PSAP: variants seen among roughly 807,000 people sequenced by gnomAD.
PSAP encodes the protein precursor of saposins.
PSAP carries 25 observed loss-of-function variants against 66.0 expected under a neutral mutation model. The ratio of observed to expected loss-of-function variants is 0.38; its 90% CI spans 0.28 to 0.53. The LOEUF is 0.53. Ranked by LOEUF, PSAP falls within the 20% of genes least tolerant of loss-of-function variation. The probability of loss-of-function intolerance (pLI) is 0.83; values close to 1 mark genes in which losing one functional copy is unlikely to be tolerated. For missense variants in PSAP, 649 were observed against 668.8 expected, an observed-to-expected ratio of 0.97 and a Z score of 0.33; for synonymous variants, 273 against 258.9, an observed-to-expected ratio of 1.05 and a Z score of -0.52.
chr10:71,823,195 C>T (rs1690836525), intron 7 of PSAP, among the ~76,000 whole-genome samples: 1 of 152,168 alleles, frequency 6.6e-6, no homozygotes, highest in African/African-American at 2.4e-5. Context: ...TGGATGCCAA[C>T]GCTCAGAGGT....
chr10:71,828,522 G>C (rs1842439828), intron 5 of PSAP, among the ~76,000 whole-genome samples: 1 of 152,068 alleles, frequency 6.6e-6, no homozygotes. Context: ...GTGTGCATTT[G>C]TACTCCCAGC....
chr10:71,817,678 G>A (rs1842201101), intron 13 of PSAP, among the ~76,000 whole-genome samples: 1 of 152,206 alleles, frequency 6.6e-6, no homozygotes, highest in African/African-American at 2.4e-5. Context: ...GAACTTCTAA[G>A]GCACGAGTCC....
At chr10:71,820,793 T>C (rs1201634111) in intron 8 of PSAP, among the ~76,000 whole-genome samples, 1 of 152,188 alleles carries the variant, frequency 6.6e-6, no homozygotes, top group Non-Finnish European at 1.5e-5. Context: ...CATGTCTCAT[T>C]AGCACTTGAG....
intron 1 of PSAP, among the ~76,000 whole-genome samples, chr10:71,849,173 A>G (rs1367908424): frequency 6.6e-6 from 1 of 152,260 alleles, no homozygotes; most frequent in East Asian, 1.9e-4. Context: ...TTTATTATAC[A>G]GACCATGGAA....
At chr10:71,849,538 T>C (rs896530785) in intron 1 of PSAP, among the ~76,000 whole-genome samples, 1 of 151,486 alleles carries the variant, frequency 6.6e-6, no homozygotes, top group Admixed American at 6.6e-5. Flanking sequence ...AAGGCGGAGG[T>C]TGCAGTTAGC....
rs376639872 is a variant in PSAP at position 71,834,425 on chromosome 10, C to G, written c.121G>C (p.Asp41His). The G allele has an allele frequency of 6.2e-7, 1 of 1,613,938 alleles. No homozygotes were observed. Among genetic ancestry groups the G allele is most frequent in the South Asian group, 1.1e-5 (1 of 91,042 alleles). The change falls in exon 2 of 14, where the codon GAC (aspartate) becomes CAC (histidine). Residue 41 changes from aspartate (D) to histidine (H), a missense_variant. By Grantham distance (81) the Asp-to-His change is moderately conservative. Transcript: ENST00000394936. Reference protein sequence around the residue: ...VWCQNVKTASDCGAVKHCLQT... With the variant: ...VWCQNVKTASHCGAVKHCLQT... The stretch of plus-strand genomic sequence containing the variant: ...AGGCAGTGCTTCACTGCCCCGCAGT[C>G]GGACGCCGTCTTCACATTCTGGCAC...
chr10:71,838,762 AAAAG>A (rs1842674963), intron 1 of PSAP, among the ~76,000 whole-genome samples: 1 of 152,110 alleles, frequency 6.6e-6, no homozygotes, highest in African/African-American at 2.4e-5. Context: ...TCTCAGAAAA[AAAAG>A]AGAGAATGAG....
intron 1 of PSAP, among the ~76,000 whole-genome samples, chr10:71,840,541 C>T (rs546925585): frequency 1.1e-4 from 16 of 152,344 alleles, no homozygotes; most frequent in Admixed American, 8.5e-4. Flanking sequence ...AAAAACACAG[C>T]TCACTGAATC....
chr10:71,824,845 T>A (rs1052198650), intron 7 of PSAP, among the ~76,000 whole-genome samples: 15 of 152,250 alleles, frequency 9.9e-5, no homozygotes, highest in African/African-American at 3.4e-4. Flanking sequence ...GAGGAAGTAC[T>A]TCACGAGATT....
In PSAP at chr10:71,817,391, T is replaced by G. The variant is rs777843874; in HGVS notation, c.*50A>C. ...GCGTTCATTCCCCCAGACACACAAG[T>G]AGAAAAAAACCAATGCTGTGGTTTC... On this transcript the variant is annotated 3_prime_UTR_variant, in exon 14 of 14. Transcript: ENST00000394936. 2.8e-5 allele frequency: 44 copies of G among 1,595,986 alleles called. No homozygotes were observed. The highest frequency in any genetic ancestry group is 2.2e-4 in the Admixed American group (13 of 59,984).
chr10:71,825,842 GCAT>G lies in PSAP; in HGVS notation c.769_771del (p.Met257del). ...GGGGCCTCCGTGCCACCTACCATGT[GCAT>G]CATCATCTGGATAGCAATTTCAGAA... On this transcript the variant is annotated inframe_deletion, in exon 7 of 14. Transcript: ENST00000394936. 1 of 1,612,862 alleles carries G rather than the reference GCAT, an allele frequency of 6.2e-7. No individual in the cohort carries two copies. The highest frequency in any genetic ancestry group is 8.5e-7 in the Non-Finnish European group (1 of 1,178,800).
Position 71,820,350 on chromosome 10 carries a change from G to A in PSAP, c.910-15C>T. 6.2e-7 allele frequency: 1 copy of A among 1,602,654 alleles called. No individual in the cohort carries two copies. Among genetic ancestry groups the A allele is most frequent in the Non-Finnish European group, 8.5e-7 (1 of 1,169,660 alleles). ...ACCTCGTGCTTCTGTGGAAAGAGTA[G>A]AAGGAGAGTACTTTCAATGCTGGGA... On this transcript the variant is annotated splice_polypyrimidine_tract_variant and intron_variant, in intron 8 of 13. Coordinates refer to ENST00000394936, the MANE Select transcript of PSAP (RefSeq NM_002778.4).
At chr10:71,834,539 T>C (rs754329567) in intron 1 of PSAP, 34 bp from the exon 2 acceptor site, 3 of 1,611,118 alleles carry the variant, frequency 1.9e-6, no homozygotes, top group African/African-American at 2.7e-5. Flanking sequence ...AGGTGGCCCA[T>C]TTTGTAGCAA....
intron 3 of PSAP, among the ~76,000 whole-genome samples, 172 bp from the exon 4 acceptor site, chr10:71,831,423 C>G (rs1842514032): frequency 1.3e-5 from 2 of 152,142 alleles, no homozygotes; most frequent in Non-Finnish European, 2.9e-5. Flanking sequence ...GTCAATCAGG[C>G]AAAAGCAGAC....
chr10:71,826,255 C>T (rs994341666), intron 6 of PSAP, among the ~76,000 whole-genome samples: 1 of 152,202 alleles, frequency 6.6e-6, no homozygotes, highest in African/African-American at 2.4e-5. Flanking sequence ...TGCTTAGGAA[C>T]TGGAGCTTAC....
chr10:71,827,273 C>G (rs1564818742), intron 6 of PSAP, among the ~76,000 whole-genome samples: 1 of 152,012 alleles, frequency 6.6e-6, no homozygotes, highest in Non-Finnish European at 1.5e-5. Flanking sequence ...GTGGCGGGCA[C>G]TTGTAGTCCC....
chr10:71,840,263 G>A (rs924339591), intron 1 of PSAP, among the ~76,000 whole-genome samples: 1 of 152,088 alleles, frequency 6.6e-6, no homozygotes, highest in Non-Finnish European at 1.5e-5. Flanking sequence ...CAGGGCAGCA[G>A]ATCTGCTGCC....
Position 71,819,598 on chromosome 10 carries a change from C to T in PSAP, c.1217G>A (p.Gly406Asp). ...CTTCTTGCACACTTCGCAGAAGCCA[C>T]CGTCCTTTGGCTGAGTCACGTGAAC... ...LTVHVTQPKD[G>D]GFCEVCKKLV... Residue 406 changes from glycine to aspartate, a missense_variant, in exon 11 of 14, where the codon GGT (glycine) becomes GAT (aspartate). By Grantham distance (94) the Gly-to-Asp change is moderately conservative (BLOSUM62 -1). Coordinates refer to ENST00000394936, the MANE Select transcript of PSAP (RefSeq NM_002778.4). 1 of 1,614,202 alleles carries T rather than the reference C, an allele frequency of 6.2e-7. No individual in the cohort carries two copies. Among genetic ancestry groups the T allele is most frequent in the South Asian group, 1.1e-5 (1 of 91,088 alleles).
Position 71,849,711 on chromosome 10 carries a change from G to A in PSAP, c.40+1471C>T, listed in dbSNP as rs1240957499. ...TTTTTCACAGGTGGGGTCTTGCTAT[G>A]TTGCCCAGGCTGGTCTCCAACTCCT... On this transcript the variant is annotated intron_variant, in intron 1 of 13. Coordinates refer to ENST00000394936, the MANE Select transcript of PSAP (RefSeq NM_002778.4). Among the ~76,000 whole-genome samples, 3 of 151,906 alleles carry A rather than the reference G, an allele frequency of 2.0e-5. No individual in the cohort carries two copies. The East Asian group carries it at 5.8e-4, about 29-fold the overall frequency.
Sources: allele counts gnomAD v4.1 joint callset (sites outside exome capture counted in the v4.1 genomes callset), GRCh38; gene constraint gnomAD v4.1.1; transcripts MANE v1.5; gene names NCBI Gene and HGNC (gene_info 2026-07-23, HGNC 2026-07-21).